Variants in DLG2 observed in about 807,000 individuals in gnomAD.
DLG2 encodes discs large MAGUK scaffold protein 2, also known as disks large homolog 2.
A neutral mutation model predicts 132.5 loss-of-function variants in DLG2; 45 were observed. That is an observed-to-expected ratio of 0.34 (90% CI 0.27 to 0.44). The LOEUF (loss-of-function observed/expected upper bound fraction) is 0.44, where lower values mean the gene tolerates loss of function less well. Among genes scored for constraint, DLG2 ranks in the 20% least tolerant of loss-of-function variants. The pLI is 1.00. For missense variants in DLG2, 1,045 were observed against 1,196.9 expected, an observed-to-expected ratio of 0.87 and a Z score of 1.87; for synonymous variants, 424 against 419.6, an observed-to-expected ratio of 1.01 and a Z score of -0.13.
intron 3 of DLG2, among the ~76,000 whole-genome samples, chr11:85,411,616 T>G (rs754699217): frequency 1.2e-4 from 19 of 152,048 alleles, no homozygotes; most frequent in Non-Finnish European, 2.5e-4. Flanking sequence ...CATTCAGTCA[T>G]ATGCATACAT....
intron 6 of DLG2, among the ~76,000 whole-genome samples, chr11:84,691,794 T>C (rs930000644): frequency 1.8e-4 from 27 of 151,886 alleles, no homozygotes; most frequent in African/African-American, 6.0e-4. Flanking sequence ...CAACACTGAT[T>C]GAAATAGTTA....
intron 19 of DLG2, among the ~76,000 whole-genome samples, chr11:83,579,832 T>C (rs1007241908): frequency 6.6e-6 from 1 of 151,862 alleles, no homozygotes; most frequent in Non-Finnish European, 1.5e-5. Context: ...GAGCCAGGCA[T>C]GGTGGCATGT....
chr11:83,769,100 T>C (rs528688975), intron 18 of DLG2, among the ~76,000 whole-genome samples: 1 of 152,348 alleles, frequency 6.6e-6, no homozygotes, highest in South Asian at 2.1e-4. Flanking sequence ...TACTACCTGT[T>C]CTTTCTACAT....
At chr11:84,273,090 A>T in intron 7 of DLG2, 1 of 1,346,492 alleles carries the variant, frequency 7.4e-7, no homozygotes, top group South Asian at 1.6e-5. Flanking sequence ...TAGATACAAC[A>T]GGAGAAAAAG....
chr11:84,152,241 T>C (rs1419925798), intron 9 of DLG2, among the ~76,000 whole-genome samples: 2 of 152,226 alleles, frequency 1.3e-5, no homozygotes, highest in African/African-American at 2.4e-5. Flanking sequence ...GGTATGTATA[T>C]ATTTAGGATA....
intron 4 of DLG2, among the ~76,000 whole-genome samples, chr11:85,249,537 A>G (rs1292492354): frequency 6.6e-6 from 1 of 152,134 alleles, no homozygotes; most frequent in Non-Finnish European, 1.5e-5. Flanking sequence ...GACCTATATA[A>G]CAAAGTAGGC....
intron 6 of DLG2, among the ~76,000 whole-genome samples, chr11:84,958,355 A>G (rs967427286): frequency 2.5e-4 from 38 of 152,236 alleles, no homozygotes; most frequent in African/African-American, 9.2e-4. Flanking sequence ...TCTATTGCTT[A>G]CATGGAAGAC....
intron 2 of DLG2, among the ~76,000 whole-genome samples, chr11:85,619,341 C>T (rs1232491031): frequency 1.3e-5 from 2 of 151,878 alleles, no homozygotes; most frequent in Non-Finnish European, 2.9e-5. Context: ...ACAAGCCCAG[C>T]TAATTTTTTT....
intron 21 of DLG2, among the ~76,000 whole-genome samples, chr11:83,522,793 C>CTAAT (rs2095514109): frequency 8.2e-6 from 1 of 122,204 alleles, no homozygotes; most frequent in South Asian, 2.9e-4. Flanking sequence ...ATAGGATAGT[C>CTAAT]TAATTTTAGA....
At position 83,538,203 on chromosome 11, in the gene DLG2, C is replaced by T. The variant is rs577072748; in HGVS notation, c.2117+3479G>A. Among the ~76,000 whole-genome samples, 99 of 152,250 alleles carry T rather than the reference C, an allele frequency of 6.5e-4. No homozygotes were observed. In the Middle Eastern group the frequency reaches 0.01, roughly 16 times the overall value. ...CATAATGTCACTTCTCATTACTGGT[C>T]CCAGTTTCCTTACTTGTAAAAAGGA... On this transcript the variant is annotated intron_variant, in intron 20 of 27. Transcript: ENST00000376104.
intron 6 of DLG2, among the ~76,000 whole-genome samples, chr11:84,536,562 T>A (rs762897181): frequency 2.6e-5 from 4 of 152,236 alleles, no homozygotes; most frequent in Non-Finnish European, 5.9e-5. Flanking sequence ...ACATTCACTT[T>A]TGATCAGTTA....
chr11:83,655,282 A>G (rs1351896285), intron 18 of DLG2, among the ~76,000 whole-genome samples: 6 of 152,252 alleles, frequency 3.9e-5, no homozygotes, highest in Non-Finnish European at 8.8e-5. Context: ...ATAAGAAGAA[A>G]AGAATGAAAG....
At chr11:84,484,597 TAGTA>T (rs2099146269) in intron 7 of DLG2, among the ~76,000 whole-genome samples, 1 of 152,170 alleles carries the variant, frequency 6.6e-6, no homozygotes, top group Non-Finnish European at 1.5e-5. Context: ...TAATAAACTC[TAGTA>T]AGTATCTATT....
chr11:84,943,594 C>A (rs2049784487), intron 6 of DLG2, among the ~76,000 whole-genome samples: 1 of 152,128 alleles, frequency 6.6e-6, no homozygotes. Flanking sequence ...CAAAAACAAG[C>A]AGAGGAGCAA....
At chr11:84,187,682 G>A (rs1566866073) in intron 8 of DLG2, among the ~76,000 whole-genome samples, 1 of 152,058 alleles carries the variant, frequency 6.6e-6, no homozygotes, top group East Asian at 1.9e-4. Context: ...CATATGAACA[G>A]GATTTTAGGA....
intron 6 of DLG2, among the ~76,000 whole-genome samples, chr11:84,776,033 ATTTC>A (rs1392775024): frequency 2.0e-5 from 3 of 152,096 alleles, no homozygotes; most frequent in Non-Finnish European, 2.9e-5. Context: ...GATAACTGAT[ATTTC>A]TTATGTTTTT....
At chr11:84,592,652 G>A (rs949165419) in intron 6 of DLG2, among the ~76,000 whole-genome samples, 10 of 151,990 alleles carry the variant, frequency 6.6e-5, no homozygotes, top group Non-Finnish European at 1.5e-4. Context: ...CAGAAAGTGG[G>A]CAAAGTATAT....
intron 3 of DLG2, among the ~76,000 whole-genome samples, chr11:85,388,156 G>A (rs919169294): frequency 6.6e-6 from 1 of 152,106 alleles, no homozygotes; most frequent in Non-Finnish European, 1.5e-5. Flanking sequence ...GGTGGCATGG[G>A]AGCTGGTTGA....
chr11:85,064,666 T>C (rs1223592135), intron 6 of DLG2, among the ~76,000 whole-genome samples: 3 of 151,888 alleles, frequency 2.0e-5, no homozygotes, highest in Admixed American at 6.6e-5. Flanking sequence ...GGTCAAACAC[T>C]ATTTGAGATG....
Sources: allele counts gnomAD v4.1 joint callset (sites outside exome capture counted in the v4.1 genomes callset), GRCh38; gene constraint gnomAD v4.1.1; transcripts MANE v1.5; gene names NCBI Gene and HGNC (gene_info 2026-07-23, HGNC 2026-07-21).